Variants in CCDC91 observed in about 807,000 individuals in gnomAD.
CCDC91 encodes coiled-coil domain containing 91.
In CCDC91, 48 loss-of-function variants were observed where a neutral mutation model predicts 63.2. That is an observed-to-expected ratio of 0.76 (90% CI 0.60 to 0.97). The LOEUF (loss-of-function observed/expected upper bound fraction) is 0.97, where lower values mean the gene tolerates loss of function less well. Among genes scored for constraint, CCDC91 ranks in the 50% least tolerant of loss-of-function variants. The probability of loss-of-function intolerance (pLI) is 0.00; values close to 1 mark genes in which losing one functional copy is unlikely to be tolerated. For synonymous variants in CCDC91, 167 were observed against 165.8 expected (o/e 1.01, Z -0.06); for missense variants, 500 against 494.6 (o/e 1.01, Z -0.10).
intron 12 of CCDC91, among the ~76,000 whole-genome samples, chr12:28,521,230 T>C (rs1229780316): frequency 6.6e-6 from 1 of 152,216 alleles, no homozygotes; most frequent in Non-Finnish European, 1.5e-5. Context: ...CATTTGTTTG[T>C]GTCCTCTTTC....
intron 12 of CCDC91, among the ~76,000 whole-genome samples, chr12:28,499,915 G>A (rs1318359592): frequency 3.3e-5 from 5 of 152,068 alleles, no homozygotes; most frequent in South Asian, 2.1e-4. Context: ...TTGAGGAATC[G>A]CCACACTGTC....
intron 12 of CCDC91, among the ~76,000 whole-genome samples, chr12:28,499,571 G>A (rs139185688): frequency 2.0e-5 from 3 of 151,628 alleles, no homozygotes; most frequent in East Asian, 2.0e-4. Context: ...TGTTCTCATT[G>A]TTCAACTCCC....
chr12:28,397,831 T>C lies in CCDC91; in HGVS notation c.762+6420T>C, dbSNP rs540167944. ...GATAGAGACACTATCTGTATTATTATGTTGCCCTTAATCTTTTATTAAAAA... is the reference window on the plus strand; with the variant it reads ...GATAGAGACACTATCTGTATTATTACGTTGCCCTTAATCTTTTATTAAAAA... On this transcript the variant is annotated intron_variant, in intron 8 of 12. Coordinates refer to ENST00000536442, the MANE Select transcript of CCDC91 (RefSeq NM_018318.5). Among the ~76,000 whole-genome samples, 6 of 152,266 alleles carry C rather than the reference T, an allele frequency of 3.9e-5. No homozygotes were observed. In the East Asian group the frequency reaches 1.2e-3, roughly 29 times the overall value.
At chr12:28,419,173 A>T (rs1484417308) in intron 8 of CCDC91, among the ~76,000 whole-genome samples, 2 of 152,184 alleles carry the variant, frequency 1.3e-5, no homozygotes, top group Non-Finnish European at 2.9e-5. Context: ...CAGTGTGGAA[A>T]GCCAAACTCT....
chr12:28,340,831 C>T (rs557458087), intron 6 of CCDC91, among the ~76,000 whole-genome samples: 2 of 152,226 alleles, frequency 1.3e-5, no homozygotes, highest in African/African-American at 4.8e-5. Context: ...TAATTAGACC[C>T]CCTGCCTATG....
intron 12 of CCDC91, among the ~76,000 whole-genome samples, chr12:28,486,226 T>C (rs1592817312): frequency 6.6e-6 from 1 of 152,202 alleles, no homozygotes. Context: ...AGTGAAACCA[T>C]GCAGTATGTG....
At chr12:28,544,034 G>A (rs796912391) in intron 12 of CCDC91, among the ~76,000 whole-genome samples, 11 of 150,872 alleles carry the variant, frequency 7.3e-5, no homozygotes, top group African/African-American at 1.7e-4. Flanking sequence ...CTCTTGTCCC[G>A]CTACAGTCTG....
chr12:28,330,262 T>A (rs183662558), intron 6 of CCDC91, among the ~76,000 whole-genome samples: 6 of 152,234 alleles, frequency 3.9e-5, no homozygotes, highest in African/African-American at 1.4e-4. Flanking sequence ...TTTCTCCACA[T>A]CCTCTCCAGC....
At chr12:28,371,420 C>A (rs2138830469) in intron 7 of CCDC91, among the ~76,000 whole-genome samples, 1 of 152,258 alleles carries the variant, frequency 6.6e-6, no homozygotes, top group South Asian at 2.1e-4. Flanking sequence ...TCCGCTTTAC[C>A]CTAGTCTGCG....
At chr12:28,512,854 GAAAT>G (rs1196482241) in intron 12 of CCDC91, among the ~76,000 whole-genome samples, 4 of 151,892 alleles carry the variant, frequency 2.6e-5, no homozygotes, top group Non-Finnish European at 4.4e-5. Flanking sequence ...CATTGGTTAG[GAAAT>G]AAATCTCATT....
chr12:28,350,153 C>T (rs1384215340), intron 6 of CCDC91, among the ~76,000 whole-genome samples: 1 of 152,064 alleles, frequency 6.6e-6, no homozygotes, highest in Non-Finnish European at 1.5e-5. Context: ...TGTACTATTA[C>T]AAGCAAAACA....
chr12:28,493,836 A>G (rs540524507), intron 12 of CCDC91, among the ~76,000 whole-genome samples: 20 of 151,788 alleles, frequency 1.3e-4, no homozygotes, highest in African/African-American at 4.6e-4. Context: ...CCACAAGACA[A>G]GTATTGCTGA....
chr12:28,446,674 G>A (rs11049610), intron 8 of CCDC91, among the ~76,000 whole-genome samples: 31,027 of 151,848 alleles, frequency 0.2, 4,096 homozygotes, highest in Non-Finnish European at 0.3. Context: ...CCTGTTGCCC[G>A]GGCTGGTCTC....
In CCDC91 at chr12:28,205,194, A is replaced by G. The variant is rs552452447; in HGVS notation, c.-15+14553A>G. 1.1e-4 allele frequency among the ~76,000 whole-genome samples: 16 copies of G among 152,162 alleles called. No individual in the cohort carries two copies. The East Asian group carries it at 1.7e-3, about 17-fold the overall frequency. ...ATTATAGAGAGAAAGGAGAGTGAAG[A>G]GAGAAGGGAGAATGAAGAGGGAAAG... On this transcript the variant is annotated intron_variant, in intron 1 of 12. Coordinates refer to ENST00000536442, the MANE Select transcript of CCDC91 (RefSeq NM_018318.5).
intron 3 of CCDC91, among the ~76,000 whole-genome samples, chr12:28,285,198 A>T (rs1045429581): frequency 6.6e-6 from 1 of 152,158 alleles, no homozygotes; most frequent in Non-Finnish European, 1.5e-5. Context: ...AGACACTGGG[A>T]TGTCATAACC....
At chr12:28,496,729 A>C (rs1411364580) in intron 12 of CCDC91, among the ~76,000 whole-genome samples, 2 of 151,294 alleles carry the variant, frequency 1.3e-5, no homozygotes, top group African/African-American at 4.8e-5. Context: ...TGGCCACCAT[A>C]ATATTCTTTT....
chr12:28,309,216 A>G (rs1939062336), intron 6 of CCDC91, among the ~76,000 whole-genome samples: 1 of 152,012 alleles, frequency 6.6e-6, no homozygotes, highest in Admixed American at 6.6e-5. Context: ...CTGTGATGAC[A>G]TTGTTTAATG....
At chr12:28,469,906 C>T (rs897289181) in intron 11 of CCDC91, among the ~76,000 whole-genome samples, 1 of 151,980 alleles carries the variant, frequency 6.6e-6, no homozygotes, top group Non-Finnish European at 1.5e-5. Flanking sequence ...GTAAACTAGA[C>T]CCCCATCTCT....
In CCDC91 at chr12:28,230,522, G is replaced by C. The variant is rs572927774; in HGVS notation, c.-14-26680G>C. Among the ~76,000 whole-genome samples, 5 of 152,308 alleles carry C rather than the reference G, an allele frequency of 3.3e-5. No homozygotes were observed. The South Asian group carries it at 1.0e-3, about 32-fold the overall frequency. The stretch of plus-strand genomic sequence containing the variant: ...TATTTCTTGAAGTCACTGGAAATAG[G>C]TGCCTACACAGAAGCATGAGGCTAA... On this transcript the variant is annotated intron_variant, in intron 1 of 12. Coordinates refer to ENST00000536442, the MANE Select transcript of CCDC91 (RefSeq NM_018318.5).
Sources: allele counts gnomAD v4.1 joint callset (sites outside exome capture counted in the v4.1 genomes callset), GRCh38; gene constraint gnomAD v4.1.1; transcripts MANE v1.5; gene names NCBI Gene and HGNC (gene_info 2026-07-23, HGNC 2026-07-21).